Variants in GRID2 observed in about 807,000 individuals in gnomAD.
GRID2 encodes the protein glutamate ionotropic receptor delta type subunit 2.
A neutral mutation model predicts 114.8 loss-of-function variants in GRID2; 33 were observed. The ratio of observed to expected loss-of-function variants is 0.29; its 90% CI spans 0.22 to 0.38. The LOEUF is 0.38. Ranked by LOEUF, GRID2 falls within the 10% of genes least tolerant of loss-of-function variation. The pLI, the probability that GRID2 is intolerant of heterozygous loss-of-function variation, is 1.00. For missense variants in GRID2, 1,184 were observed against 1,257.7 expected, an observed-to-expected ratio of 0.94 and a Z score of 0.89; for synonymous variants, 505 against 449.9, an observed-to-expected ratio of 1.12 and a Z score of -1.55.
intron 10 of GRID2, among the ~76,000 whole-genome samples, chr4:93,446,354 T>C (rs1366788207): frequency 6.6e-6 from 1 of 151,952 alleles, no homozygotes; most frequent in African/African-American, 2.4e-5. Flanking sequence ...GATAGGGAAA[T>C]AGACTGCACC....
intron 1 of GRID2, among the ~76,000 whole-genome samples, chr4:92,494,005 T>G (rs956915345): frequency 4.6e-5 from 7 of 152,194 alleles, no homozygotes; most frequent in African/African-American, 1.7e-4. Flanking sequence ...TCCTTGCACT[T>G]CAGCTATTTA....
At chr4:93,645,344 G>A (rs907436693) in intron 14 of GRID2, among the ~76,000 whole-genome samples, 4 of 152,144 alleles carry the variant, frequency 2.6e-5, no homozygotes, top group African/African-American at 7.2e-5. Flanking sequence ...TGGGGCACCA[G>A]AGGATGATAT....
intron 8 of GRID2, among the ~76,000 whole-genome samples, chr4:93,296,905 C>A (rs919925384): frequency 2.0e-5 from 3 of 152,216 alleles, no homozygotes; most frequent in Non-Finnish European, 4.4e-5. Flanking sequence ...CAAGTCAAAT[C>A]TCTTATATCT....
chr4:92,579,941 AAT>A (rs899419341), intron 1 of GRID2, among the ~76,000 whole-genome samples: 95 of 147,282 alleles, frequency 6.5e-4, no homozygotes, highest in African/African-American at 2.2e-3. Context: ...ATATGTATAT[AAT>A]ATATATATTT....
intron 14 of GRID2, among the ~76,000 whole-genome samples, chr4:93,765,919 T>C (rs1472081520): frequency 6.6e-6 from 1 of 152,074 alleles, no homozygotes; most frequent in Admixed American, 6.6e-5. Context: ...TGGAATGAAG[T>C]CATTCTTCAA....
intron 2 of GRID2, among the ~76,000 whole-genome samples, chr4:93,007,222 T>A (rs967340034): frequency 1.3e-5 from 2 of 151,918 alleles, no homozygotes; most frequent in Non-Finnish European, 2.9e-5. Context: ...CAGAAAAAAT[T>A]ATAAAGGTTA....
At chr4:92,481,981 GATAT>G (rs35103752) in intron 1 of GRID2, among the ~76,000 whole-genome samples, 843 of 46,012 alleles carry the variant, frequency 0.018, 7 homozygotes, top group Non-Finnish European at 0.02. Context: ...AATAAAATGT[GATAT>G]ATATATATAT....
intron 2 of GRID2, among the ~76,000 whole-genome samples, chr4:93,049,242 C>A (rs1726454579): frequency 6.6e-6 from 1 of 151,972 alleles, no homozygotes; most frequent in Admixed American, 6.6e-5. Context: ...AATACATTAA[C>A]AGTATGGTTT....
chr4:93,712,235 C>T (rs1728549091), intron 14 of GRID2, among the ~76,000 whole-genome samples: 1 of 151,772 alleles, frequency 6.6e-6, no homozygotes, highest in African/African-American at 2.4e-5. Flanking sequence ...ATATATTTTT[C>T]TCCAAATATT....
intron 2 of GRID2, among the ~76,000 whole-genome samples, chr4:92,800,106 T>G (rs1399744449): frequency 1.3e-5 from 2 of 151,962 alleles, no homozygotes; most frequent in Non-Finnish European, 2.9e-5. Flanking sequence ...TTAGGTAATC[T>G]CATTACCCCT....
At chr4:93,226,630 A>T (rs1258757197) in intron 7 of GRID2, among the ~76,000 whole-genome samples, 1 of 152,060 alleles carries the variant, frequency 6.6e-6, no homozygotes, top group Non-Finnish European at 1.5e-5. Flanking sequence ...TTTTAGTCCT[A>T]CAGTTCTGTG....
At chr4:93,743,602 A>G (rs1731593859) in intron 14 of GRID2, among the ~76,000 whole-genome samples, 1 of 152,172 alleles carries the variant, frequency 6.6e-6, no homozygotes, top group African/African-American at 2.4e-5. Context: ...CAGAAATTCC[A>G]TGGTGAGAGA....
intron 13 of GRID2, among the ~76,000 whole-genome samples, chr4:93,600,039 G>A (rs754488017): frequency 1.8e-4 from 28 of 152,258 alleles, no homozygotes; most frequent in African/African-American, 6.0e-4. Context: ...AGATTTAAGC[G>A]TAACTTAGCT....
chr4:93,328,243 A>G (rs1758058077), intron 8 of GRID2, among the ~76,000 whole-genome samples: 1 of 151,350 alleles, frequency 6.6e-6, no homozygotes. Flanking sequence ...CTTATTTAGA[A>G]TGAACTACAA....
At chr4:92,497,065 T>C (rs1723423022) in intron 1 of GRID2, among the ~76,000 whole-genome samples, 1 of 151,752 alleles carries the variant, frequency 6.6e-6, no homozygotes, top group South Asian at 2.1e-4. Flanking sequence ...AGTTCAAAGA[T>C]TACTTTTAGT....
chr4:92,575,653 C>T (rs1340780670), intron 1 of GRID2, among the ~76,000 whole-genome samples: 2 of 152,212 alleles, frequency 1.3e-5, no homozygotes, highest in Non-Finnish European at 2.9e-5. Context: ...CAGCCTGTCC[C>T]TTCCTCTGGA....
At chr4:93,566,636 G>C (rs1437774574) in intron 13 of GRID2, among the ~76,000 whole-genome samples, 2 of 152,010 alleles carry the variant, frequency 1.3e-5, no homozygotes, top group African/African-American at 4.8e-5. Flanking sequence ...CGGGCATAGT[G>C]GTGCGCAGCT....
chr4:92,825,417 G>A (rs1741627347), intron 2 of GRID2, among the ~76,000 whole-genome samples: 1 of 152,062 alleles, frequency 6.6e-6, no homozygotes, highest in African/African-American at 2.4e-5. Context: ...CACCGAGGAG[G>A]GTTACAAACA....
At chr4:92,995,557 A>G (rs1755148956) in intron 2 of GRID2, among the ~76,000 whole-genome samples, 2 of 152,310 alleles carry the variant, frequency 1.3e-5, no homozygotes, top group African/African-American at 2.4e-5. Context: ...GTGAAGTAAT[A>G]AGGTAGGGCC....
Sources: allele counts gnomAD v4.1 joint callset (sites outside exome capture counted in the v4.1 genomes callset), GRCh38; gene constraint gnomAD v4.1.1; transcripts MANE v1.5; gene names NCBI Gene and HGNC (gene_info 2026-07-23, HGNC 2026-07-21).